The following SLC4A11 variants were observed in gnomAD, a reference collection of about 807,000 sequenced individuals.
SLC4A11 encodes the protein solute carrier family 4 member 11.
Under a neutral mutation model 95.0 loss-of-function variants are expected in SLC4A11, and 74 were observed. The observed-to-expected ratio is 0.78, with a 90% confidence interval of 0.65 to 0.95. SLC4A11 has a LOEUF of 0.95. Among genes scored for constraint, SLC4A11 ranks in the 40% least tolerant of loss-of-function variants. The pLI, the probability that SLC4A11 is intolerant of heterozygous loss-of-function variation, is 0.00. For synonymous variants in SLC4A11, 548 were observed against 519.0 expected (o/e 1.06, Z -0.76); for missense variants, 1,081 against 1,192.4 (o/e 0.91, Z 1.38).
Position 3,228,402 on chromosome 20 carries a change from G to A in SLC4A11, c.2415C>T (p.Ile805=), listed in dbSNP as rs1354771991. The A allele has an allele frequency of 1.2e-6, 2 of 1,613,216 alleles. No homozygotes were observed. The highest frequency in any genetic ancestry group is 1.3e-5 in the African/African-American group (1 of 74,930). Residue 805 remains isoleucine, a synonymous_variant, in exon 19 of 20, where the codon ATC becomes ATT. Coordinates refer to ENST00000642402, the MANE Select transcript of SLC4A11 (RefSeq NM_001174089.2). The stretch of plus-strand genomic sequence containing the variant: ...GGATCTTCCTCTGGGGCACCCTCCG[G>A]ATGTAGTGTGTCGGGGGGTACGCAG... ...EQTAYPPTHY[I]RRVPQRKIHY...
chr20:3,235,881 T>C (rs987253917), intron 2 of SLC4A11, among the ~76,000 whole-genome samples: 14 of 152,016 alleles, frequency 9.2e-5, no homozygotes, highest in African/African-American at 2.9e-4. Flanking sequence ...CTTCCCTCCC[T>C]GGAGGGCCTT....
chr20:3,237,961 C>G (rs771829953), intron 1 of SLC4A11: 2 of 1,550,504 alleles, frequency 1.3e-6, no homozygotes, highest in Admixed American at 2.0e-5. Flanking sequence ...GGACCGGGCC[C>G]GAGCGGGCCT....
rs904727822 is a variant in SLC4A11 at position 3,239,134 on chromosome 20, C to T, written c.4G>A (p.Ala2Thr). ...TGGAACACGCGCCTGGTGGCCGCGG[C>T]CATGGCACACTCGCGCACTCACGGC... is the stretch of plus-strand genomic sequence containing the variant. M[A>T]AATRRVFHLQ... The change falls in exon 1 of 20, where the codon GCC becomes ACC. Residue 2 changes from alanine to threonine, a missense_variant. Physicochemically the swap from Ala to Thr is moderately conservative, Grantham distance 58. This residue lies in a region of SLC4A11 where 310 missense variants were observed against 313.5 expected (regional missense o/e 0.99). Coordinates refer to ENST00000642402, the MANE Select transcript of SLC4A11 (RefSeq NM_001174089.2). 1 of 1,474,982 alleles carries T rather than the reference C, an allele frequency of 6.8e-7. No homozygotes were observed. Among genetic ancestry groups the T allele is most frequent in the Non-Finnish European group, 8.9e-7 (1 of 1,117,486 alleles). 91.4% of individuals were successfully genotyped at this position (1,474,982 alleles called of 1,614,324 possible).
chr20:3,231,395 CG>C lies in SLC4A11; in HGVS notation c.882del (p.His294GlnfsTer102). 1 of 1,614,078 alleles carries C rather than the reference CG, an allele frequency of 6.2e-7. No individual in the cohort carries two copies. On this transcript the variant is annotated frameshift_variant, in exon 8 of 20. Coordinates refer to ENST00000642402, the MANE Select transcript of SLC4A11 (RefSeq NM_001174089.2). LOFTEE classifies it high-confidence loss of function. This position sits in a 1 kb window ranked among gnomAD's most constrained non-coding sequence, Gnocchi z 5.2. ...TCCTTCGTTCTCGGCGCCACTGGACCGTGGCTCACCATGGTGAGCAGCTGTC... is the reference window on the plus strand; with the variant it reads ...TCCTTCGTTCTCGGCGCCACTGGACCTGGCTCACCATGGTGAGCAGCTGTC... ...HQRQLLTMVS[H>X]GPVAPRTKER...
Position 3,234,491 on chromosome 20 carries a change from G to A in SLC4A11, c.291+77C>T, listed in dbSNP as rs565575940. On this transcript the variant is annotated intron_variant, in intron 4 of 19. Coordinates refer to ENST00000642402, the MANE Select transcript of SLC4A11 (RefSeq NM_001174089.2). The surrounding 1 kb of genome is among the most constrained non-coding windows in gnomAD (Gnocchi z 5.8). ...GGAGGCATGGGAAGAGGGGAGCAGCGGGAGGATTCTCAGGGAAGCCATCAC... is the reference window on the plus strand; with the variant it reads ...GGAGGCATGGGAAGAGGGGAGCAGCAGGAGGATTCTCAGGGAAGCCATCAC... 2.2e-5 allele frequency: 35 copies of A among 1,591,088 alleles called. No homozygotes were observed. The highest frequency in any genetic ancestry group is 1.8e-4 in the South Asian group (16 of 90,580).
At position 3,230,199 on chromosome 20, in the gene SLC4A11, C is replaced by A; in HGVS notation, c.1477G>T (p.Gly493Cys). 1 of 1,613,554 alleles carries A rather than the reference C, an allele frequency of 6.2e-7. No homozygotes were observed. Among genetic ancestry groups the A allele is most frequent in the Non-Finnish European group, 8.5e-7 (1 of 1,180,016 alleles). ...SITFVLDAVK[G>C]TVKIFWKYYY... ...CAGCCGCACTCACTTTTAACCGTGC[C>A]CTTGACGGCATCCAGCACAAACGTG... Residue 493 changes from glycine to cysteine, a missense_variant, in exon 13 of 20, where the codon GGC becomes TGC. Physicochemically the swap from Gly to Cys is radical, Grantham distance 159. Coordinates refer to ENST00000642402, the MANE Select transcript of SLC4A11 (RefSeq NM_001174089.2).
intron 13 of SLC4A11, 50 bp from the exon 14 acceptor site, chr20:3,229,826 G>T (rs771454602): frequency 6.2e-7 from 1 of 1,612,470 alleles, no homozygotes; most frequent in Non-Finnish European, 8.5e-7. Flanking sequence ...TGTGGCAGGG[G>T]GAGGCCCTGG....
intron 6 of SLC4A11, 31 bp from the exon 7 acceptor site, chr20:3,233,668 G>A (rs774298318): frequency 6.2e-7 from 1 of 1,609,100 alleles, no homozygotes; most frequent in African/African-American, 1.3e-5. Context: ...ACAGTGCACA[G>A]TTGCACCCCA....
chr20:3,229,782 G>GAC lies in SLC4A11; in HGVS notation c.1490-8_1490-7dup, dbSNP rs774948424. The GAC allele has an allele frequency of 6.2e-7, 1 of 1,613,802 alleles. No homozygotes were observed. On this transcript the variant is annotated splice_region_variant and splice_polypyrimidine_tract_variant and intron_variant, in intron 13 of 19. Coordinates refer to ENST00000642402, the MANE Select transcript of SLC4A11 (RefSeq NM_001174089.2). ...ATAGTAGTACTTCCAGAAGACTGTGGACACACACCCACAGGCCTCAGCCCT... is the reference window on the plus strand; with the variant it reads ...ATAGTAGTACTTCCAGAAGACTGTGGACACACACACCCACAGGCCTCAGCCCT...
chr20:3,229,701 G>A lies in SLC4A11; in HGVS notation c.1565C>T (p.Ser522Leu), dbSNP rs990919628. The A allele has an allele frequency of 2.5e-6, 4 of 1,613,978 alleles. No homozygotes were observed. Among genetic ancestry groups the A allele is most frequent in the Non-Finnish European group, 3.4e-6 (4 of 1,179,996 alleles). ...TKRTSSLVSL[S>L]GLGASLNASL... ...GGCGTTGAGGCTGGCGCCGAGGCCT[G>A]ACAGGCTGACAAGGGATGAAGTCCT... Residue 522 changes from serine (S) to leucine (L), a missense_variant, in exon 14 of 20, where the codon TCA becomes TTA. Physicochemically the swap from Ser to Leu is moderately radical, Grantham distance 145. Coordinates refer to ENST00000642402, the MANE Select transcript of SLC4A11 (RefSeq NM_001174089.2).
chr20:3,230,236 G>A lies in SLC4A11; in HGVS notation c.1440C>T (p.Leu480=), dbSNP rs1167351120. 1 of 1,613,606 alleles carries A rather than the reference G, an allele frequency of 6.2e-7. No individual in the cohort carries two copies. The highest frequency in any genetic ancestry group is 1.3e-5 in the African/African-American group (1 of 75,056). Residue 480 remains leucine, a synonymous_variant, in exon 13 of 20, where the codon CTC becomes CTT. Coordinates refer to ENST00000642402, the MANE Select transcript of SLC4A11 (RefSeq NM_001174089.2). ...FKRSTEEIIA[L]FISITFVLDA... Reference sequence around the variant, plus strand: ...CCAGCACAAACGTGATGGAAATGAAGAGGGCGATGATCTCCTCCGTCGACC... The same window carrying A: ...CCAGCACAAACGTGATGGAAATGAAAAGGGCGATGATCTCCTCCGTCGACC...
At chr20:3,233,801 T>C in intron 6 of SLC4A11, 120 bp downstream of exon 6, 2 of 1,509,696 alleles carry the variant, frequency 1.3e-6, no homozygotes, top group East Asian at 2.3e-5. Flanking sequence ...TTCTCCCAAG[T>C]TGGTTGGGCC....
At chr20:3,230,436 C>T (rs1452055557) in intron 12 of SLC4A11, 79 bp downstream of exon 12, 1 of 1,608,540 alleles carries the variant, frequency 6.2e-7, no homozygotes, top group Non-Finnish European at 8.5e-7. Context: ...GGGGGCACCC[C>T]CACCACCCTG....
At chr20:3,238,625 G>T in intron 1 of SLC4A11, 1 of 992,660 alleles carries the variant, frequency 1.0e-6, no homozygotes, top group Non-Finnish European at 1.2e-6. Context: ...CGCAGGGCAC[G>T]GTCAGGGGTC....
rs1179520686 is a variant in SLC4A11, at chr20:3,229,199, G to A, written c.1914C>T (p.Ser638=). Residue 638 remains serine (S), a synonymous_variant, in exon 16 of 20, where the codon TCC becomes TCT. Transcript: ENST00000642402. The part of the protein sequence containing the change: ...PFAMAQIQSL[S]LRAVSGAMGL... ...CCATGGCACCGCTGACGGCCCTCAGGGACAGCGACTGGATCTGCGCCATCG... is the reference window on the plus strand; with the variant it reads ...CCATGGCACCGCTGACGGCCCTCAGAGACAGCGACTGGATCTGCGCCATCG... The A allele has an allele frequency of 1.2e-6, 2 of 1,612,558 alleles. No homozygotes were observed. Among genetic ancestry groups the A allele is most frequent in the African/African-American group, 2.7e-5 (2 of 74,904 alleles).
chr20:3,238,790 G>A lies in SLC4A11; in HGVS notation c.43+305C>T, dbSNP rs1487463607. 17 of 1,139,440 alleles carry A rather than the reference G, an allele frequency of 1.5e-5. No homozygotes were observed. In the South Asian group the frequency reaches 5.5e-4, roughly 37 times the overall value. 70.6% of individuals were successfully genotyped at this position (1,139,440 alleles called of 1,614,324 possible). On this transcript the variant is annotated intron_variant, in intron 1 of 19. Transcript: ENST00000642402. ...GGGGCGCTGGGAGCCCCACAGCTCC[G>A]CCCTGCCCACTTTCGAGCTCCCCGC...
intron 2 of SLC4A11, among the ~76,000 whole-genome samples, chr20:3,235,593 G>A (rs1191551730): frequency 6.6e-6 from 1 of 152,046 alleles, no homozygotes; most frequent in African/African-American, 2.4e-5. Flanking sequence ...GGAGAGTGAG[G>A]GTGTGTAATG....
At chr20:3,238,111 G>A (rs768426037) in intron 1 of SLC4A11, 9 of 1,455,886 alleles carry the variant, frequency 6.2e-6, no homozygotes, top group East Asian at 5.0e-5. Context: ...CGGGTCACAC[G>A]GGGGCCGACA....
At chr20:3,237,843 A>G (rs1432930520) in intron 1 of SLC4A11, 2 of 1,554,656 alleles carry the variant, frequency 1.3e-6, no homozygotes, top group African/African-American at 2.7e-5. Context: ...GCCAGAGGCG[A>G]GGAGGAGAGA....
Sources: allele counts gnomAD v4.1 joint callset (sites outside exome capture counted in the v4.1 genomes callset), GRCh38; gene constraint gnomAD v4.1.1; regional missense constraint gnomAD v4.1.1; non-coding constraint Gnocchi (gnomAD v3.1); transcripts MANE v1.5; gene names NCBI Gene and HGNC (gene_info 2026-07-23, HGNC 2026-07-21).